Variants in IMMP2L observed in about 807,000 individuals in gnomAD.
The protein encoded by IMMP2L is inner mitochondrial membrane peptidase subunit 2.
Under a neutral mutation model 19.3 loss-of-function variants are expected in IMMP2L, and 18 were observed. That is an observed-to-expected ratio of 0.93 (90% CI 0.64 to 1.38). The LOEUF (loss-of-function observed/expected upper bound fraction) is 1.38. Ranked by LOEUF, IMMP2L falls within the 40% of genes most tolerant of loss-of-function variation. The pLI is 0.00. For synonymous variants in IMMP2L, 76 were observed against 73.0 expected, an observed-to-expected ratio of 1.04 and a Z score of -0.21; for missense variants, 233 against 218.2, an observed-to-expected ratio of 1.07 and a Z score of -0.43.
intron 3 of IMMP2L, among the ~76,000 whole-genome samples, chr7:111,117,729 T>C (rs1474793331): frequency 6.6e-6 from 1 of 152,134 alleles, no homozygotes; most frequent in African/African-American, 2.4e-5. Context: ...AGTGGGAGAA[T>C]AGAATTTAAG....
At chr7:110,846,711 T>C (rs1805709948) in intron 5 of IMMP2L, among the ~76,000 whole-genome samples, 1 of 152,054 alleles carries the variant, frequency 6.6e-6, no homozygotes, top group Admixed American at 6.6e-5. Flanking sequence ...CAACTGGCCA[T>C]GGGAAAATTT....
At chr7:111,070,136 A>T (rs1217111072) in intron 3 of IMMP2L, among the ~76,000 whole-genome samples, 6 of 152,222 alleles carry the variant, frequency 3.9e-5, no homozygotes. Flanking sequence ...TGATAGTGAA[A>T]AAAAAATATG....
intron 4 of IMMP2L, among the ~76,000 whole-genome samples, chr7:110,913,387 T>C (rs1813262067): frequency 6.6e-6 from 1 of 151,964 alleles, no homozygotes; most frequent in Non-Finnish European, 1.5e-5. Context: ...CATGAAGACA[T>C]TCTGCTATAT....
intron 3 of IMMP2L, among the ~76,000 whole-genome samples, chr7:111,299,717 G>C (rs998651532): frequency 1.3e-5 from 2 of 151,824 alleles, no homozygotes; most frequent in East Asian, 3.9e-4. Context: ...CACAAAAGAG[G>C]AATCTCATGT....
chr7:111,283,738 G>A (rs1012033594), intron 3 of IMMP2L, among the ~76,000 whole-genome samples: 85 of 152,012 alleles, frequency 5.6e-4, no homozygotes, highest in Admixed American at 4.4e-3. Flanking sequence ...TTGGGAGGCC[G>A]AGGCGGGCGG....
chr7:111,383,891 A>G (rs1420411379), intron 3 of IMMP2L, among the ~76,000 whole-genome samples: 1 of 152,052 alleles, frequency 6.6e-6, no homozygotes, highest in Non-Finnish European at 1.5e-5. Context: ...GTTTTCTCTG[A>G]CCTGTCCAGT....
At chr7:111,307,038 C>T (rs963087197) in intron 3 of IMMP2L, among the ~76,000 whole-genome samples, 1 of 148,650 alleles carries the variant, frequency 6.7e-6, no homozygotes, top group African/African-American at 2.5e-5. Context: ...TATCTATTTT[C>T]TTTATATAGT....
At chr7:111,363,694 A>G (rs1829471213) in intron 3 of IMMP2L, among the ~76,000 whole-genome samples, 1 of 151,962 alleles carries the variant, frequency 6.6e-6, no homozygotes, top group Non-Finnish European at 1.5e-5. Context: ...TATATAACAA[A>G]TCTAATCATA....
intron 3 of IMMP2L, among the ~76,000 whole-genome samples, chr7:111,343,917 C>G (rs1275360300): frequency 6.6e-6 from 1 of 152,006 alleles, no homozygotes; most frequent in East Asian, 1.9e-4. Context: ...GAAAACTGAT[C>G]GTGGTCATTG....
At chr7:110,702,672 C>G (rs570720538) in intron 5 of IMMP2L, among the ~76,000 whole-genome samples, 8 of 152,064 alleles carry the variant, frequency 5.3e-5, no homozygotes, top group Admixed American at 2.6e-4. Flanking sequence ...GGTTTTAATG[C>G]TATTATAAAT....
intron 2 of IMMP2L, among the ~76,000 whole-genome samples, chr7:111,493,386 T>C (rs958848093): frequency 1.3e-5 from 2 of 152,116 alleles, no homozygotes; most frequent in Admixed American, 6.5e-5. Flanking sequence ...TGTACTTCAC[T>C]AAAAACAAAA....
intron 3 of IMMP2L, among the ~76,000 whole-genome samples, chr7:111,098,668 A>C (rs1797652187): frequency 6.6e-6 from 1 of 151,726 alleles, no homozygotes; most frequent in African/African-American, 2.4e-5. Flanking sequence ...ACATTTTCTC[A>C]TTTAATCTTC....
At chr7:110,981,449 A>T (rs2129558098) in intron 3 of IMMP2L, among the ~76,000 whole-genome samples, 1 of 152,170 alleles carries the variant, frequency 6.6e-6, no homozygotes, top group Non-Finnish European at 1.5e-5. Flanking sequence ...GCCTGCTGAA[A>T]TTAACAATTA....
At chr7:110,718,328 AAG>A (rs1264111454) in intron 5 of IMMP2L, among the ~76,000 whole-genome samples, 8 of 152,196 alleles carry the variant, frequency 5.3e-5, no homozygotes, top group Middle Eastern at 3.2e-3. Flanking sequence ...AGGAATTCTG[AAG>A]AGAGTGGTAG....
At chr7:111,116,099 C>G (rs533843298) in intron 3 of IMMP2L, among the ~76,000 whole-genome samples, 1 of 152,294 alleles carries the variant, frequency 6.6e-6, no homozygotes, top group South Asian at 2.1e-4. Context: ...TCTTGAGACT[C>G]AGGAGAGAGA....
chr7:110,705,769 T>C (rs1794631641), intron 5 of IMMP2L, among the ~76,000 whole-genome samples: 1 of 151,988 alleles, frequency 6.6e-6, no homozygotes, highest in African/African-American at 2.4e-5. Flanking sequence ...GTCCCCAGTG[T>C]CTATTCTTGC....
chr7:110,987,938 G>A (rs915916686), intron 3 of IMMP2L, among the ~76,000 whole-genome samples: 8 of 152,062 alleles, frequency 5.3e-5, no homozygotes, highest in African/African-American at 7.2e-5. Flanking sequence ...TCATTATCCC[G>A]TTATCAATTT....
intron 3 of IMMP2L, among the ~76,000 whole-genome samples, chr7:111,468,914 A>G (rs1840942909): frequency 6.6e-6 from 1 of 152,108 alleles, no homozygotes; most frequent in Non-Finnish European, 1.5e-5. Context: ...AACCAGAAGA[A>G]GAAAAAAAGT....
intron 3 of IMMP2L, among the ~76,000 whole-genome samples, chr7:111,094,124 G>A (rs1213774373): frequency 6.6e-6 from 1 of 151,982 alleles, no homozygotes; most frequent in Non-Finnish European, 1.5e-5. Flanking sequence ...TGGGTTTGAT[G>A]TTTCACTCCT....
Sources: allele counts gnomAD v4.1 joint callset (sites outside exome capture counted in the v4.1 genomes callset), GRCh38; gene constraint gnomAD v4.1.1; transcripts MANE v1.5; gene names NCBI Gene and HGNC (gene_info 2026-07-23, HGNC 2026-07-21).